Variants in ADAMTSL2 observed in about 807,000 individuals in gnomAD.
ADAMTSL2 encodes ADAMTS like 2.
A neutral mutation model predicts 117.0 loss-of-function variants in ADAMTSL2; 55 were observed. The ratio of observed to expected loss-of-function variants is 0.47; its 90% confidence interval spans 0.38 to 0.59. The LOEUF (loss-of-function observed/expected upper bound fraction) is 0.59. Ranked by LOEUF, ADAMTSL2 falls within the 20% of genes least tolerant of loss-of-function variation. The pLI is 0.00. For synonymous variants in ADAMTSL2, 572 were observed against 566.4 expected (o/e 1.01, Z -0.14); for missense variants, 1,182 against 1,354.5 (o/e 0.87, Z 2.00).
upstream of ADAMTSL2, among the ~76,000 whole-genome samples, chr9:133,533,423 G>A (rs1483996182): frequency 6.6e-6 from 1 of 152,192 alleles, no homozygotes; most frequent in Non-Finnish European, 1.5e-5. Flanking sequence ...GCAGAGGAGA[G>A]AACCCGACAC....
chr9:133,566,167 C>A (rs569249363), intron 12 of ADAMTSL2, among the ~76,000 whole-genome samples: 1 of 152,206 alleles, frequency 6.6e-6, no homozygotes, highest in Non-Finnish European at 1.5e-5. Flanking sequence ...TCAGGCCTGG[C>A]GCGGTGGCTC....
intron 1 of ADAMTSL2, among the ~76,000 whole-genome samples, chr9:133,536,228 C>T (rs1830047352): frequency 6.6e-6 from 1 of 152,256 alleles, no homozygotes; most frequent in Admixed American, 6.5e-5. Flanking sequence ...CCTGCGAGGC[C>T]AGCAAGAGCT....
rs946536225 is a variant in ADAMTSL2, at chr9:133,557,771, G to A, written c.1649+1841G>A. Among the ~76,000 whole-genome samples the A allele has an allele frequency of 5.3e-5, 8 of 152,198 alleles. No homozygotes were observed. Among genetic ancestry groups the A allele is most frequent in the Non-Finnish European group, 1.2e-4 (8 of 68,034 alleles). On this transcript the variant is annotated intron_variant, in intron 11 of 18. Coordinates refer to ENST00000651351, the MANE Select transcript of ADAMTSL2 (RefSeq NM_014694.4). The surrounding 1 kb of genome is among the most constrained non-coding windows in gnomAD (Gnocchi z 5.2). ...AGCCTCCAAGTGGCAGCAGTGGGGG[G>A]TGCCTTTCAGGACCCACTGCCTGGG...
At position 133,537,488 on chromosome 9, in the gene ADAMTSL2, G is replaced by A. The variant is rs1191413117; in HGVS notation, c.174G>A (p.Ala58=). 3.1e-5 allele frequency: 42 copies of A among 1,357,892 alleles called. No homozygotes were observed. Among genetic ancestry groups the A allele is most frequent in the Non-Finnish European group, 3.6e-5 (38 of 1,046,778 alleles). 84.1% of individuals were successfully genotyped at this position (1,357,892 alleles called of 1,614,324 possible). The change falls in exon 3 of 19, where the codon GCG becomes GCA. Residue 58 remains alanine, a synonymous_variant. Transcript: ENST00000651351. The stretch of plus-strand genomic sequence containing the variant: ...GGGGGGAGTGGACCAAGTGGACGGC[G>A]TGTTCCCGCAGTTGCGGGGGTGGGG... ...FWWGEWTKWT[A]CSRSCGGGVT... is the part of the protein sequence containing the mutation.
At chr9:133,539,028 G>T (rs1022701529) in intron 4 of ADAMTSL2, among the ~76,000 whole-genome samples, 1 of 152,210 alleles carries the variant, frequency 6.6e-6, no homozygotes, top group Admixed American at 6.5e-5. Context: ...AGGCTGGCTC[G>T]TGTGGCTTGC....
At chr9:133,561,963 T>A (rs4962250) in intron 12 of ADAMTSL2, among the ~76,000 whole-genome samples, 1 of 152,060 alleles carries the variant, frequency 6.6e-6, no homozygotes, top group Admixed American at 6.5e-5. Flanking sequence ...AAACCCAGGA[T>A]CAGGATACAG....
chr9:133,539,984 T>G, intron 5 of ADAMTSL2, 111 bp downstream of exon 5: 1 of 1,026,932 alleles, frequency 9.7e-7, no homozygotes, highest in South Asian at 1.4e-5. Flanking sequence ...GAAATGGAGG[T>G]GGTCAGACGA....
At chr9:133,564,641 G>GGGGGA (rs1564179074) in intron 12 of ADAMTSL2, among the ~76,000 whole-genome samples, 1 of 13,094 alleles carries the variant, frequency 7.6e-5, no homozygotes, top group Non-Finnish European at 1.4e-4. Context: ...AGAGAGAGAG[G>GGGGGA]GAGAGAGGGA....
At chr9:133,552,625 A>G (rs928899672) in intron 9 of ADAMTSL2, among the ~76,000 whole-genome samples, 2 of 152,192 alleles carry the variant, frequency 1.3e-5, no homozygotes, top group Non-Finnish European at 2.9e-5. Context: ...GTGGCCACCT[A>G]GGATCAACCT....
upstream of ADAMTSL2, among the ~76,000 whole-genome samples, chr9:133,533,792 A>G (rs1829987817): frequency 6.6e-6 from 1 of 152,204 alleles, no homozygotes; most frequent in South Asian, 2.1e-4. Flanking sequence ...ATGGATGAAA[A>G]GACACAGATG....
At chr9:133,538,217 A>G (rs1039367086) in intron 3 of ADAMTSL2, 132 bp from the exon 4 acceptor site, 2 of 1,009,540 alleles carry the variant, frequency 2.0e-6, no homozygotes, top group Non-Finnish European at 3.2e-6. Flanking sequence ...GTGGGAGTTG[A>G]GTAGGGAGGA....
chr9:133,540,038 G>A (rs533934091), intron 5 of ADAMTSL2, among the ~76,000 whole-genome samples, 165 bp downstream of exon 5: 15 of 152,268 alleles, frequency 9.9e-5, no homozygotes, highest in African/African-American at 3.6e-4. Flanking sequence ...TGGCCCAGGG[G>A]TCTGTCCCCT....
Position 133,555,739 on chromosome 9 carries a change from C to A in ADAMTSL2, c.1458C>A (p.Ala486=). 3 of 1,614,032 alleles carry A rather than the reference C, an allele frequency of 1.9e-6. No individual in the cohort carries two copies. Among genetic ancestry groups the A allele is most frequent in the Non-Finnish European group, 2.5e-6 (3 of 1,180,042 alleles). The part of the protein sequence containing the change: ...ETVNSIFAQG[A]PRSSLAESFF... ...TGAACAGCATCTTTGCACAGGGCGC[C>A]CCAAGGAGCTCCCTGGCCGAGAGCT... The change falls in exon 11 of 19, where the codon GCC becomes GCA. Residue 486 remains alanine, a synonymous_variant. Coordinates refer to ENST00000651351, the MANE Select transcript of ADAMTSL2 (RefSeq NM_014694.4).
Position 133,544,383 on chromosome 9 carries a change from AC to A in ADAMTSL2, c.683-84del, listed in dbSNP as rs1564496914. The A allele has an allele frequency of 2.8e-5, 31 of 1,110,712 alleles. 1 individual carries two copies. Among genetic ancestry groups the A allele is most frequent in the Non-Finnish European group, 4.2e-5 (30 of 721,574 alleles). The allele number at this position is 1,110,712 out of a possible 1,614,324, so 68.8% of individuals were successfully genotyped here. ...GCCAGCCCTTAGACAGCCACCGCTCACCCTCCAATAGCTGTGGAGTGGGCGA... is the reference window on the plus strand; with the variant it reads ...GCCAGCCCTTAGACAGCCACCGCTCACCTCCAATAGCTGTGGAGTGGGCGA... On this transcript the variant is annotated intron_variant, in intron 7 of 18. Coordinates refer to ENST00000651351, the MANE Select transcript of ADAMTSL2 (RefSeq NM_014694.4).
intron 7 of ADAMTSL2, among the ~76,000 whole-genome samples, chr9:133,544,062 T>G (rs1332780745): frequency 2.6e-5 from 4 of 152,194 alleles, no homozygotes; most frequent in Non-Finnish European, 4.4e-5. Context: ...AGTCAACGTG[T>G]TGTTGTCACA....
chr9:133,539,955 C>G, intron 5 of ADAMTSL2, 82 bp downstream of exon 5: 2 of 1,300,694 alleles, frequency 1.5e-6, no homozygotes, highest in East Asian at 2.5e-5. Context: ...GGACCAAACT[C>G]GACGGGTGGG....
rs1831076042 is a variant in ADAMTSL2 at position 133,570,368 on chromosome 9, T to A, written c.2453T>A (p.Leu818Gln). 6.4e-7 allele frequency: 1 copy of A among 1,555,660 alleles called. No individual in the cohort carries two copies. Among genetic ancestry groups the A allele is most frequent in the Non-Finnish European group, 8.7e-7 (1 of 1,151,286 alleles). The stretch of plus-strand genomic sequence containing the variant: ...TGCGGGCGCGGGGTCAAGAAGCGGC[T>A]GGTGCTCTGCATGGAGCTGGCCAAC... Reference protein sequence around the residue: ...TTCGRGVKKRLVLCMELANGK... With the variant: ...TTCGRGVKKRQVLCMELANGK... Residue 818 changes from leucine (L) to glutamine (Q), a missense_variant, in exon 17 of 19, where the codon CTG becomes CAG. Transcript: ENST00000651351.
intron 12 of ADAMTSL2, among the ~76,000 whole-genome samples, chr9:133,562,778 G>C (rs1209037682): frequency 7.9e-6 from 1 of 125,922 alleles, no homozygotes; most frequent in East Asian, 2.3e-4. Flanking sequence ...GCACCGCTGT[G>C]GGCGGCGTGG....
At position 133,557,292 on chromosome 9, in the gene ADAMTSL2, G is replaced by A. The variant is rs1007771710; in HGVS notation, c.1649+1362G>A. ...AGGCCACCGAGGTGCCTGGGGCTGC[G>A]GGGTGCAGGGAGGATGTCCTGAGCA... On this transcript the variant is annotated intron_variant, in intron 11 of 18. Coordinates refer to ENST00000651351, the MANE Select transcript of ADAMTSL2 (RefSeq NM_014694.4). This position sits in a 1 kb window ranked among gnomAD's most constrained non-coding sequence, Gnocchi z 5.2. 4.6e-5 allele frequency among the ~76,000 whole-genome samples: 7 copies of A among 152,194 alleles called. No homozygotes were observed. The highest frequency in any genetic ancestry group is 9.7e-5 in the African/African-American group (4 of 41,434).
Sources: gnomAD v4.1 joint callset for allele counts (sites outside exome capture counted in the v4.1 genomes callset) on GRCh38, gnomAD v4.1.1 for gene constraint, Gnocchi (gnomAD v3.1) non-coding constraint, MANE v1.5 for transcripts, NCBI Gene and HGNC (gene_info 2026-07-23, HGNC 2026-07-21) for gene names.